BMP2K: variants seen among roughly 807,000 people sequenced by gnomAD.
BMP2K encodes BMP-2-inducible protein kinase.
BMP2K carries 74 observed loss-of-function variants against 116.0 expected under a neutral mutation model. The ratio of observed to expected loss-of-function variants is 0.64; its 90% confidence interval spans 0.53 to 0.77. The LOEUF (loss-of-function observed/expected upper bound fraction) is 0.77. BMP2K is among the 30% of genes least tolerant of loss of function. BMP2K has a pLI of 0.00. For synonymous variants in BMP2K, 486 were observed against 502.5 expected (o/e 0.97, Z 0.44); for missense variants, 1,365 against 1,403.6 (o/e 0.97, Z 0.44).
intron 2 of BMP2K, among the ~76,000 whole-genome samples, chr4:78,827,017 A>G (rs1729904891): frequency 6.6e-6 from 1 of 152,188 alleles, no homozygotes; most frequent in Non-Finnish European, 1.5e-5. Flanking sequence ...CAAGTCACAC[A>G]GTTTTTTTGG....
At chr4:78,858,687 C>T (rs1453231868) in intron 7 of BMP2K, among the ~76,000 whole-genome samples, 1 of 151,720 alleles carries the variant, frequency 6.6e-6, no homozygotes, top group Non-Finnish European at 1.5e-5. Flanking sequence ...TTAGATCTCT[C>T]TATACATTAT....
intron 2 of BMP2K, among the ~76,000 whole-genome samples, chr4:78,828,928 A>T (rs1292913040): frequency 2.6e-5 from 4 of 152,072 alleles, no homozygotes; most frequent in Non-Finnish European, 5.9e-5. Flanking sequence ...AAGTTTCTTA[A>T]CCCATTTATG....
intron 15 of BMP2K, among the ~76,000 whole-genome samples, chr4:78,900,756 CTTAATT>C (rs1300603513): frequency 6.6e-6 from 1 of 152,082 alleles, no homozygotes; most frequent in Non-Finnish European, 1.5e-5. Context: ...TTTTTCTCTT[CTTAATT>C]TTAAACATTG....
At chr4:78,799,239 TA>T (rs201234604) in intron 1 of BMP2K, among the ~76,000 whole-genome samples, 2,866 of 151,746 alleles carry the variant, frequency 0.019, 84 homozygotes, top group African/African-American at 0.062. Context: ...ATAAAGATAT[TA>T]AAAAATAACT....
Position 78,825,952 on chromosome 4 carries a change from C to G in BMP2K, c.179-85C>G, listed in dbSNP as rs574121379. 37 of 1,012,752 alleles carry G rather than the reference C, an allele frequency of 3.7e-5. No individual in the cohort carries two copies. In the East Asian group the frequency reaches 8.8e-4, roughly 24 times the overall value. 62.7% of individuals were successfully genotyped at this position (1,012,752 alleles called of 1,614,324 possible). On this transcript the variant is annotated intron_variant, in intron 1 of 15. Transcript: ENST00000502613. ...CTTGGGTACAATCATTGTTTATTTTCCTCCAATATGCTCTATGATTATATT... is the reference window on the plus strand; with the variant it reads ...CTTGGGTACAATCATTGTTTATTTTGCTCCAATATGCTCTATGATTATATT...
At chr4:78,854,519 T>A (rs1391612472) in intron 7 of BMP2K, among the ~76,000 whole-genome samples, 1 of 152,002 alleles carries the variant, frequency 6.6e-6, no homozygotes, top group Admixed American at 6.6e-5. Flanking sequence ...GTGATCTGCC[T>A]GCCTCGGCCT....
rs1339269602 is a variant in BMP2K at position 78,851,033 on chromosome 4, C to G, written c.860C>G (p.Ser287Cys). 2 of 1,611,052 alleles carry G rather than the reference C, an allele frequency of 1.2e-6. No homozygotes were observed. The highest frequency in any genetic ancestry group is 1.7e-5 in the Admixed American group (1 of 59,746). Reference protein sequence around the residue: ...NFTIPDNSRYSRNIHCLIRFM... With the variant: ...NFTIPDNSRYCRNIHCLIRFM... The stretch of plus-strand genomic sequence containing the variant: ...ACCATCCCAGACAATTCTCGTTACT[C>G]CCGTAACATACATTGCTTAATAAGT... The change falls in exon 7 of 16, where the codon TCC (serine) becomes TGC (cysteine). Residue 287 changes from serine to cysteine, a missense_variant. This residue lies in a region of BMP2K where 762 missense variants were observed against 756.7 expected (regional missense o/e 1.01). Transcript: ENST00000502613.
chr4:78,822,771 CATG>C (rs1479293423), intron 1 of BMP2K, among the ~76,000 whole-genome samples: 1 of 152,008 alleles, frequency 6.6e-6, no homozygotes, highest in Non-Finnish European at 1.5e-5. Flanking sequence ...AACTGAGGTA[CATG>C]ATAATATAGT....
intron 4 of BMP2K, among the ~76,000 whole-genome samples, chr4:78,843,222 T>G (rs1420368444): frequency 6.6e-6 from 1 of 151,940 alleles, no homozygotes; most frequent in Non-Finnish European, 1.5e-5. Flanking sequence ...GCCTAGATAT[T>G]CCTCTGACTA....
Position 78,910,627 on chromosome 4 carries a change from G to T in BMP2K, c.2080G>T (p.Ala694Ser). Residue 694 changes from alanine (A) to serine (S), a missense_variant, in exon 16 of 16, where the codon GCT becomes TCT. Transcript: ENST00000502613. The part of the protein sequence containing the change: ...ISHSGSPEKK[A>S]EHSSINQENG... ...ACTTGCAGGTTCTCCTGAAAAGAAA[G>T]CTGAACATTCATCTATAAATCAAGA... The T allele has an allele frequency of 6.5e-7, 1 of 1,540,328 alleles. No homozygotes were observed. The highest frequency in any genetic ancestry group is 8.7e-7 in the Non-Finnish European group (1 of 1,149,754).
At chr4:78,844,314 C>G (rs773702668) in intron 4 of BMP2K, among the ~76,000 whole-genome samples, 8 of 151,570 alleles carry the variant, frequency 5.3e-5, no homozygotes, top group Non-Finnish European at 8.9e-5. Context: ...GGGCTCTGAA[C>G]CCATATTTTA....
At chr4:78,816,472 A>G (rs542513819) in intron 1 of BMP2K, among the ~76,000 whole-genome samples, 1 of 152,208 alleles carries the variant, frequency 6.6e-6, no homozygotes, top group South Asian at 2.1e-4. Flanking sequence ...TTTTTCTCCC[A>G]ATTTCACTAA....
At chr4:78,825,403 A>G (rs529252780) in intron 1 of BMP2K, among the ~76,000 whole-genome samples, 1 of 152,306 alleles carries the variant, frequency 6.6e-6, no homozygotes, top group East Asian at 1.9e-4. Context: ...CATTAGGGCT[A>G]AACATCATAG....
At chr4:78,808,638 A>G (rs939736043) in intron 1 of BMP2K, among the ~76,000 whole-genome samples, 2 of 151,982 alleles carry the variant, frequency 1.3e-5, no homozygotes, top group African/African-American at 4.8e-5. Flanking sequence ...GCATTTTGTT[A>G]AGTTTTGGCG....
At chr4:78,829,817 C>G (rs1020082226) in intron 2 of BMP2K, among the ~76,000 whole-genome samples, 1 of 142,834 alleles carries the variant, frequency 7.0e-6, no homozygotes, top group African/African-American at 2.8e-5. Flanking sequence ...CTTCTCTTCT[C>G]TTCTCTTCTC....
chr4:78,818,699 AT>A (rs1729471779), intron 1 of BMP2K, among the ~76,000 whole-genome samples: 1 of 151,554 alleles, frequency 6.6e-6, no homozygotes, highest in South Asian at 2.1e-4. Context: ...TACTGTGTTT[AT>A]ATTAGCTTGT....
intron 2 of BMP2K, 109 bp downstream of exon 2, chr4:78,826,264 T>C: frequency 9.1e-6 from 7 of 770,248 alleles, no homozygotes; most frequent in Non-Finnish European, 1.5e-5. Flanking sequence ...CGCAGTGGCG[T>C]GATCTCAGCT....
chr4:78,800,627 A>T (rs1728519742), intron 1 of BMP2K, among the ~76,000 whole-genome samples: 1 of 152,118 alleles, frequency 6.6e-6, no homozygotes, highest in Admixed American at 6.5e-5. Context: ...TTTATTTTGT[A>T]TTCTGTAATA....
chr4:78,800,811 T>C (rs1728534295), intron 1 of BMP2K, among the ~76,000 whole-genome samples: 1 of 152,176 alleles, frequency 6.6e-6, no homozygotes, highest in African/African-American at 2.4e-5. Context: ...TACAAGTGTT[T>C]AAATACAATA....
Sources: allele counts gnomAD v4.1 joint callset (sites outside exome capture counted in the v4.1 genomes callset), GRCh38; gene constraint gnomAD v4.1.1; regional missense constraint gnomAD v4.1.1; transcripts MANE v1.5; gene names NCBI Gene and HGNC (gene_info 2026-07-23, HGNC 2026-07-21).